The following ERC1 variants were observed in gnomAD, a reference collection of about 807,000 sequenced individuals.
The protein encoded by ERC1 is ELKS/RAB6-interacting/CAST family member 1.
Under a neutral mutation model 132.0 loss-of-function variants are expected in ERC1, and 56 were observed. The observed-to-expected ratio is 0.42, with a 90% CI of 0.34 to 0.53. The LOEUF is 0.53. ERC1 is among the 20% of genes least tolerant of loss of function. The pLI is 0.03. For synonymous variants in ERC1, 478 were observed against 476.1 expected, an observed-to-expected ratio of 1.00 and a Z score of -0.05; for missense variants, 1,202 against 1,349.9, an observed-to-expected ratio of 0.89 and a Z score of 1.72.
intron 12 of ERC1, among the ~76,000 whole-genome samples, chr12:1,219,818 G>A (rs1241236658): frequency 6.6e-6 from 1 of 151,848 alleles, no homozygotes; most frequent in Non-Finnish European, 1.5e-5. Context: ...TGTGTTTTTT[G>A]TAGAGACAGG....
chr12:1,433,346 A>G (rs1305781751), intron 17 of ERC1, among the ~76,000 whole-genome samples: 1 of 152,208 alleles, frequency 6.6e-6, no homozygotes, highest in Non-Finnish European at 1.5e-5. Flanking sequence ...GGCTCCAGCC[A>G]ATCAGACATT....
intron 8 of ERC1, among the ~76,000 whole-genome samples, chr12:1,180,026 C>CTAA (rs2154270105): frequency 6.6e-6 from 1 of 152,258 alleles, no homozygotes; most frequent in African/African-American, 2.4e-5. Context: ...TAAAACTAAC[C>CTAA]TAACACTAGC....
At chr12:1,313,225 G>A (rs752320316) in intron 15 of ERC1, among the ~76,000 whole-genome samples, 23 of 151,948 alleles carry the variant, frequency 1.5e-4, no homozygotes, top group African/African-American at 5.1e-4. Flanking sequence ...GAAAAGGGAC[G>A]TGCCAACTGG....
At chr12:1,477,848 A>G (rs1267102095) in intron 18 of ERC1, among the ~76,000 whole-genome samples, 1 of 152,172 alleles carries the variant, frequency 6.6e-6, no homozygotes, top group Admixed American at 6.5e-5. Context: ...TATGCCTGGA[A>G]TCATACCATA....
chr12:1,037,672 T>C (rs141826712), intron 2 of ERC1, among the ~76,000 whole-genome samples: 1 of 152,310 alleles, frequency 6.6e-6, no homozygotes, highest in Non-Finnish European at 1.5e-5. Flanking sequence ...GTATTGTTTT[T>C]GGAGAACAAA....
chr12:1,112,228 A>AG lies in ERC1; in HGVS notation c.1333dup (p.Glu445GlyfsTer23). On this transcript the variant is annotated frameshift_variant, in exon 6 of 19. Transcript: ENST00000360905. LOFTEE classifies it high-confidence loss of function. ...ATGTCGTGACAGGTAGAACAACTGAAGGAGGAACTAAGTTCGAAAGAGGCT... is the reference window on the plus strand; with the variant it reads ...ATGTCGTGACAGGTAGAACAACTGAAGGGAGGAACTAAGTTCGAAAGAGGCT... 6.2e-7 allele frequency: 1 copy of AG among 1,611,364 alleles called. No homozygotes were observed. The highest frequency in any genetic ancestry group is 8.5e-7 in the Non-Finnish European group (1 of 1,177,684).
Position 1,275,501 on chromosome 12 carries a change from G to A in ERC1, c.2619+12336G>A, listed in dbSNP as rs566523472. Among the ~76,000 whole-genome samples the A allele has an allele frequency of 1.8e-3, 275 of 152,236 alleles. 1 individual carries two copies. The highest frequency in any genetic ancestry group is 3.4e-3 in the Middle Eastern group (1 of 294). On this transcript the variant is annotated intron_variant, in intron 14 of 18. Coordinates refer to ENST00000360905, the MANE Select transcript of ERC1 (RefSeq NM_178040.4). ...ATATGAAGAATAAATAGGAGAGTAAGGGTAGAAAGGGCTGAGGACATGTTA... is the reference window on the plus strand; with the variant it reads ...ATATGAAGAATAAATAGGAGAGTAAAGGTAGAAAGGGCTGAGGACATGTTA...
chr12:1,431,999 C>G (rs1267425094), intron 17 of ERC1, among the ~76,000 whole-genome samples: 1 of 152,168 alleles, frequency 6.6e-6, no homozygotes, highest in Admixed American at 6.5e-5. Context: ...TTACCTCAGC[C>G]TCCTGAGTAA....
intron 1 of ERC1, among the ~76,000 whole-genome samples, chr12:1,026,555 A>T (rs1966922019): frequency 6.6e-6 from 1 of 152,160 alleles, no homozygotes; most frequent in Non-Finnish European, 1.5e-5. Flanking sequence ...GTTGTCAGGA[A>T]TTTTTTCCAG....
At chr12:1,463,313 T>A (rs958272092) in intron 18 of ERC1, among the ~76,000 whole-genome samples, 1 of 152,206 alleles carries the variant, frequency 6.6e-6, no homozygotes, top group African/African-American at 2.4e-5. Context: ...CATTTTTCCC[T>A]CCTGAACGCG....
At chr12:1,031,388 C>G (rs1025058438) in intron 2 of ERC1, among the ~76,000 whole-genome samples, 1 of 152,112 alleles carries the variant, frequency 6.6e-6, no homozygotes, top group Admixed American at 6.6e-5. Flanking sequence ...AACATTTCTA[C>G]TGTATATTAG....
At chr12:1,305,653 A>AG (rs1190138462) in intron 15 of ERC1, among the ~76,000 whole-genome samples, 2 of 152,174 alleles carry the variant, frequency 1.3e-5, no homozygotes, top group Non-Finnish European at 2.9e-5. Context: ...TTGGAGCAAG[A>AG]GGGGAGGGTC....
intron 2 of ERC1, among the ~76,000 whole-genome samples, chr12:1,067,446 T>C (rs1182427830): frequency 6.6e-6 from 1 of 152,208 alleles, no homozygotes; most frequent in South Asian, 2.1e-4. Flanking sequence ...CAGGTGATAG[T>C]AGCCAGAGAA....
intron 2 of ERC1, among the ~76,000 whole-genome samples, chr12:1,068,024 C>T (rs888894823): frequency 5.3e-5 from 8 of 150,548 alleles, no homozygotes; most frequent in South Asian, 2.1e-4. Flanking sequence ...ATCCACCTCC[C>T]GAGTTCAAGT....
chr12:1,083,930 C>T (rs894370894), intron 3 of ERC1, among the ~76,000 whole-genome samples: 5 of 152,192 alleles, frequency 3.3e-5, no homozygotes, highest in African/African-American at 1.2e-4. Context: ...ATCAGAATAG[C>T]TAACCATTGC....
At chr12:1,298,502 C>T (rs1463276151) in intron 15 of ERC1, among the ~76,000 whole-genome samples, 4 of 145,480 alleles carry the variant, frequency 2.7e-5, no homozygotes, top group Non-Finnish European at 4.5e-5. Flanking sequence ...AAGATGGCGC[C>T]ACTGCACTCC....
At chr12:1,399,717 A>G (rs2090855632) in intron 16 of ERC1, among the ~76,000 whole-genome samples, 1 of 152,242 alleles carries the variant, frequency 6.6e-6, no homozygotes. Context: ...AGCATGTATC[A>G]GTACTTCATT....
intron 16 of ERC1, among the ~76,000 whole-genome samples, chr12:1,387,231 A>G (rs747631656): frequency 6.6e-6 from 1 of 152,170 alleles, no homozygotes; most frequent in Non-Finnish European, 1.5e-5. Flanking sequence ...GGGACTTTCA[A>G]GTGATGCTGT....
intron 17 of ERC1, among the ~76,000 whole-genome samples, chr12:1,408,719 G>A (rs2091663348): frequency 6.6e-6 from 1 of 152,194 alleles, no homozygotes; most frequent in Non-Finnish European, 1.5e-5. Context: ...TTGAAACTTA[G>A]TTCTTCACTC....
Sources: allele counts gnomAD v4.1 joint callset (sites outside exome capture counted in the v4.1 genomes callset), GRCh38; gene constraint gnomAD v4.1.1; transcripts MANE v1.5; gene names NCBI Gene and HGNC (gene_info 2026-07-23, HGNC 2026-07-21).